BAZ2B: variants seen among roughly 807,000 people sequenced by gnomAD.
BAZ2B encodes bromodomain adjacent to zinc finger domain 2B.
Under a neutral mutation model 246.0 loss-of-function variants are expected in BAZ2B, and 91 were observed. The observed-to-expected ratio is 0.37, with a 90% CI of 0.31 to 0.44. The LOEUF is 0.44. Ranked by LOEUF, BAZ2B falls within the 20% of genes least tolerant of loss-of-function variation. The pLI, the probability that BAZ2B is intolerant of heterozygous loss-of-function variation, is 1.00. For missense variants in BAZ2B, 2,332 were observed against 2,533.7 expected, an observed-to-expected ratio of 0.92 and a Z score of 1.71; for synonymous variants, 855 against 860.0, an observed-to-expected ratio of 0.99 and a Z score of 0.10.
intron 3 of BAZ2B, among the ~76,000 whole-genome samples, chr2:159,467,789 G>C (rs1430603290): frequency 6.6e-6 from 1 of 152,156 alleles, no homozygotes. Flanking sequence ...GCATCCAAAA[G>C]CAGAAGAATG....
chr2:159,337,557 C>G lies in BAZ2B; in HGVS notation c.5660+10G>C. On this transcript the variant is annotated intron_variant, in intron 32 of 36. Transcript: ENST00000392783. Reference sequence around the variant, plus strand: ...TCTGAATGGTGGTACTTAAGGGGCTCTTCAGATACCTTCTTTCAATGTTCC... The same window carrying G: ...TCTGAATGGTGGTACTTAAGGGGCTGTTCAGATACCTTCTTTCAATGTTCC... 6.2e-7 allele frequency: 1 copy of G among 1,614,120 alleles called. No homozygotes were observed. Among genetic ancestry groups the G allele is most frequent in the East Asian group, 2.2e-5 (1 of 44,880 alleles).
chr2:159,690,208 C>T, the BAZ2B span: 1 of 456,852 alleles, frequency 2.2e-6, no homozygotes, highest in Non-Finnish European at 4.2e-6. Context: ...TTATATTGAA[C>T]ATAGCAGGTG....
In BAZ2B at chr2:159,400,651, C is replaced by A; in HGVS notation, c.2846G>T (p.Arg949Ile). Residue 949 changes from arginine to isoleucine, a missense_variant, in exon 17 of 37, where the codon AGA becomes ATA. Arg to Ile is a moderately conservative substitution (Grantham distance 97). This residue lies in a region of BAZ2B where 651 missense variants were observed against 650.9 expected (regional missense o/e 1.00). Coordinates refer to ENST00000392783, the MANE Select transcript of BAZ2B (RefSeq NM_013450.4). ...TTTTTCCATTCTGATTTGCTGTATT[C>A]TCTTAATTTTTTCCTGTAGGAAAAG... ...KIMKQQEKIK[R>I]IQQIRMEKEL... 1 of 1,569,460 alleles carries A rather than the reference C, an allele frequency of 6.4e-7. No individual in the cohort carries two copies. Among genetic ancestry groups the A allele is most frequent in the Non-Finnish European group, 8.7e-7 (1 of 1,146,860 alleles).
chr2:159,512,757 G>C (rs1432290178), intron 2 of BAZ2B, among the ~76,000 whole-genome samples: 1 of 152,270 alleles, frequency 6.6e-6, no homozygotes, highest in East Asian at 1.9e-4. Context: ...TGGGAACCAG[G>C]AGTAGAGGGA....
chr2:159,571,816 G>A (rs373209883), intron 1 of BAZ2B, among the ~76,000 whole-genome samples: 66 of 152,296 alleles, frequency 4.3e-4, no homozygotes, highest in African/African-American at 1.4e-3. Flanking sequence ...GAGATAAAGA[G>A]AGGATATCTG....
At chr2:159,594,121 C>T (rs969378344) in intron 1 of BAZ2B, among the ~76,000 whole-genome samples, 1 of 152,074 alleles carries the variant, frequency 6.6e-6, no homozygotes, top group Non-Finnish European at 1.5e-5. Flanking sequence ...AACAAAAAGT[C>T]GGCCGGGCGC....
chr2:159,385,096 T>C lies in BAZ2B; in HGVS notation c.3686+59A>G, dbSNP rs1413215710. 4.7e-6 allele frequency: 7 copies of C among 1,504,724 alleles called. No homozygotes were observed. In the Admixed American group the frequency reaches 5.3e-5, roughly 11 times the overall value. 93.2% of individuals were successfully genotyped at this position (1,504,724 alleles called of 1,614,324 possible). ...ATTTTCTATAATCAATTTGTATTACTTTTTGATTAGAAAAATTCAAAATGG... is the reference window on the plus strand; with the variant it reads ...ATTTTCTATAATCAATTTGTATTACCTTTTGATTAGAAAAATTCAAAATGG... On this transcript the variant is annotated intron_variant, in intron 23 of 36. Coordinates refer to ENST00000392783, the MANE Select transcript of BAZ2B (RefSeq NM_013450.4).
intron 1 of BAZ2B, among the ~76,000 whole-genome samples, chr2:159,575,984 A>C (rs1053720248): frequency 2.0e-5 from 3 of 152,190 alleles, no homozygotes; most frequent in African/African-American, 7.2e-5. Flanking sequence ...ATTCACATAC[A>C]TTAGTAAAAT....
intron 1 of BAZ2B, among the ~76,000 whole-genome samples, chr2:159,608,515 C>T (rs1172287916): frequency 6.6e-6 from 1 of 152,216 alleles, no homozygotes; most frequent in African/African-American, 2.4e-5. Flanking sequence ...CTAAGAACCC[C>T]TCTTCATCAA....
the BAZ2B span, among the ~76,000 whole-genome samples, chr2:159,702,761 C>T: frequency 2.0e-5 from 3 of 152,138 alleles, no homozygotes; most frequent in Non-Finnish European, 4.4e-5. Context: ...TTTCTTTTGG[C>T]CAGGCGCGGT....
At chr2:159,561,641 A>G (rs1383121696) in intron 1 of BAZ2B, among the ~76,000 whole-genome samples, 3 of 152,242 alleles carry the variant, frequency 2.0e-5, no homozygotes, top group African/African-American at 2.4e-5. Flanking sequence ...CATGTGGCTT[A>G]TGGCTACCAT....
the BAZ2B span, among the ~76,000 whole-genome samples, chr2:159,637,423 T>C: frequency 3.3e-5 from 5 of 152,182 alleles, no homozygotes; most frequent in Admixed American, 3.3e-4. Context: ...GAACCTGCCA[T>C]GGACTGTTGG....
the BAZ2B span, among the ~76,000 whole-genome samples, chr2:159,707,862 G>A: frequency 3.2e-4 from 48 of 151,562 alleles, no homozygotes; most frequent in African/African-American, 1.1e-3. Flanking sequence ...GTGGTGGCAG[G>A]CACCTGTAAT....
intron 1 of BAZ2B, among the ~76,000 whole-genome samples, chr2:159,561,901 C>T (rs909049004): frequency 1.2e-4 from 19 of 152,054 alleles, no homozygotes; most frequent in African/African-American, 4.1e-4. Flanking sequence ...GAATCTTTAA[C>T]GTATAATAGA....
At chr2:159,615,881 G>C (rs1032610246) in intron 1 of BAZ2B, 9 of 152,332 alleles carry the variant, frequency 5.9e-5, no homozygotes, top group African/African-American at 1.9e-4. Context: ...CACAACCCAC[G>C]GCCCTACTCC....
intron 34 of BAZ2B, among the ~76,000 whole-genome samples, chr2:159,326,857 G>A (rs547392613): frequency 4.2e-4 from 64 of 152,224 alleles, no homozygotes; most frequent in African/African-American, 1.5e-3. Flanking sequence ...AGAGTTAAAT[G>A]TTATAATAAA....
chr2:159,559,947 AC>A (rs1452596096), intron 1 of BAZ2B, among the ~76,000 whole-genome samples: 4 of 152,242 alleles, frequency 2.6e-5, no homozygotes, highest in Admixed American at 2.6e-4. Context: ...AATAATATTA[AC>A]CCCCAGAAAA....
chr2:159,469,317 C>T (rs902290563), intron 3 of BAZ2B, among the ~76,000 whole-genome samples: 6 of 151,992 alleles, frequency 3.9e-5, no homozygotes, highest in African/African-American at 1.4e-4. Flanking sequence ...CAACTTTGGG[C>T]CCATACATTT....
At chr2:159,557,565 C>T (rs1219997033) in intron 1 of BAZ2B, among the ~76,000 whole-genome samples, 1 of 152,112 alleles carries the variant, frequency 6.6e-6, no homozygotes, top group African/African-American at 2.4e-5. Flanking sequence ...AATTGTTCTC[C>T]ATATCTTCAT....
Sources: gnomAD v4.1 joint callset for allele counts (sites outside exome capture counted in the v4.1 genomes callset) on GRCh38, gnomAD v4.1.1 for gene constraint, gnomAD v4.1.1 regional missense constraint, MANE v1.5 for transcripts, NCBI Gene and HGNC (gene_info 2026-07-23, HGNC 2026-07-21) for gene names.